Variants in KCTD2 observed in about 807,000 individuals in gnomAD.
KCTD2 encodes potassium channel tetramerization domain containing 2, also known as BTB/POZ domain-containing protein KCTD2.
Under a neutral mutation model 27.9 loss-of-function variants are expected in KCTD2, and 18 were observed. The ratio of observed to expected loss-of-function variants is 0.64; its 90% CI spans 0.45 to 0.96. The LOEUF (loss-of-function observed/expected upper bound fraction) is 0.96. Ranked by LOEUF, KCTD2 falls within the 40% of genes least tolerant of loss-of-function variation. The probability of loss-of-function intolerance (pLI) is 0.00; values close to 1 mark genes in which losing one functional copy is unlikely to be tolerated. For synonymous variants in KCTD2, 175 were observed against 148.4 expected, an observed-to-expected ratio of 1.18 and a Z score of -1.30; for missense variants, 280 against 348.0, an observed-to-expected ratio of 0.80 and a Z score of 1.56.
chr17:75,047,095 G>T (rs906912147), upstream of KCTD2: 1 of 274,392 alleles, frequency 3.6e-6, no homozygotes, highest in Non-Finnish European at 6.8e-6. Flanking sequence ...CGGGCACAGC[G>T]CCTCCCCCGC....
chr17:75,044,759 G>C (rs532945302), upstream of KCTD2, among the ~76,000 whole-genome samples: 1 of 152,252 alleles, frequency 6.6e-6, no homozygotes, highest in African/African-American at 2.4e-5. Context: ...GTAAGATCAG[G>C]GTCAGATATT....
chr17:75,062,037 C>T (rs1034010312), intron 4 of KCTD2, 83 bp from the exon 5 acceptor site: 12 of 1,500,958 alleles, frequency 8.0e-6, no homozygotes, highest in African/African-American at 4.2e-5. Context: ...AAAGTTCAGT[C>T]GGAAGAGGGG....
Position 75,065,484 on chromosome 17 carries a change from CT to C in KCTD2, c.*2442del. 1 of 152,580 alleles carries C rather than the reference CT, an allele frequency of 6.6e-6. No individual in the cohort carries two copies. The highest frequency in any genetic ancestry group is 1.5e-5 in the Non-Finnish European group (1 of 68,266). 9.5% of individuals were successfully genotyped at this position (152,580 alleles called of 1,614,324 possible). A position where few individuals can be genotyped will look rare whatever the true frequency, so the allele number is the denominator to read the frequency against. Reference sequence around the variant, plus strand: ...TACTGCCAAGTGGGGAGGGTCCTGCCTTTTTCTCTGCCCCAGGTCTGGGACG... The same window carrying C: ...TACTGCCAAGTGGGGAGGGTCCTGCCTTTTCTCTGCCCCAGGTCTGGGACG... On this transcript the variant is annotated 3_prime_UTR_variant, in exon 6 of 6. Coordinates refer to ENST00000322444, the MANE Select transcript of KCTD2 (RefSeq NM_015353.3).
At chr17:75,045,506 G>C (rs974465286), upstream of KCTD2, among the ~76,000 whole-genome samples, 1 of 152,162 alleles carries the variant, frequency 6.6e-6, no homozygotes, top group African/African-American at 2.4e-5. Context: ...ACGCCCCAGG[G>C]GGGCCAGTTC....
At chr17:75,059,228 A>T (rs1040020482) in intron 3 of KCTD2, 2 of 232,200 alleles carry the variant, frequency 8.6e-6, no homozygotes, top group Non-Finnish European at 1.6e-5. Flanking sequence ...GAAGTTCAGA[A>T]TTATTTTACC....
At chr17:75,042,093 G>A in intron 3 of KCTD2, 1 of 1,166,124 alleles carries the variant, frequency 8.6e-7, no homozygotes, top group Middle Eastern at 2.8e-4. Flanking sequence ...GGATCTGGCT[G>A]TCATGCTGTG....
At chr17:75,045,097 T>G (rs1407625483), upstream of KCTD2, among the ~76,000 whole-genome samples, 1 of 152,150 alleles carries the variant, frequency 6.6e-6, no homozygotes, top group African/African-American at 2.4e-5. Context: ...ATTTTAAAGC[T>G]GGGCGTCCGG....
intron 1 of KCTD2, among the ~76,000 whole-genome samples, chr17:75,048,069 C>T (rs771300802): frequency 4.6e-5 from 7 of 152,244 alleles, no homozygotes; most frequent in Admixed American, 1.3e-4. Context: ...GCAGGAAGCG[C>T]TCCTTGTGAT....
At chr17:75,053,782 G>A (rs573171699) in intron 3 of KCTD2, among the ~76,000 whole-genome samples, 132 of 150,046 alleles carry the variant, frequency 8.8e-4, no homozygotes, top group Non-Finnish European at 1.7e-3. Context: ...GCATGTGATC[G>A]AGTCACATGC....
upstream of KCTD2, among the ~76,000 whole-genome samples, chr17:75,043,577 C>CA (rs1346776482): frequency 6.8e-6 from 1 of 147,034 alleles, no homozygotes; most frequent in Non-Finnish European, 1.5e-5. Context: ...AGCGCCATTG[C>CA]ACTCCAGCCT....
At chr17:75,037,782 G>A (rs1351044211) in intron 3 of KCTD2, among the ~76,000 whole-genome samples, 5 of 152,152 alleles carry the variant, frequency 3.3e-5, no homozygotes, top group Non-Finnish European at 7.3e-5. Context: ...GGATGCAGTG[G>A]CCCACGCCTG....
At chr17:75,048,957 A>G (rs1567990745) in intron 1 of KCTD2, 1 of 298,632 alleles carries the variant, frequency 3.3e-6, no homozygotes, top group Non-Finnish European at 6.1e-6. Flanking sequence ...AATTCCAGCC[A>G]GTAAGTAAAC....
At chr17:75,053,174 A>G in intron 3 of KCTD2, 69 bp downstream of exon 3, 1 of 1,228,680 alleles carries the variant, frequency 8.1e-7, no homozygotes, top group Non-Finnish European at 1.2e-6. Context: ...TGTGATTTGA[A>G]AAGGATGCCT....
Position 75,065,553 on chromosome 17 carries a change from A to G in KCTD2, c.*2506A>G, listed in dbSNP as rs1024458688. The stretch of plus-strand genomic sequence containing the variant: ...GCCCAGGAGTGCCCAGCATCCCCCA[A>G]CTGATGACACAGTAGCACTGATTCT... On this transcript the variant is annotated 3_prime_UTR_variant, in exon 6 of 6. Coordinates refer to ENST00000322444, the MANE Select transcript of KCTD2 (RefSeq NM_015353.3). The G allele has an allele frequency of 5.3e-5, 8 of 152,198 alleles. No individual in the cohort carries two copies. The highest frequency in any genetic ancestry group is 1.9e-4 in the African/African-American group (8 of 41,406). The allele number at this position is 152,198 out of a possible 1,614,324, so 9.4% of individuals were successfully genotyped here. A position where few individuals can be genotyped will look rare whatever the true frequency, so the allele number is the denominator to read the frequency against.
chr17:75,052,688 A>G (rs559139257), intron 2 of KCTD2, among the ~76,000 whole-genome samples: 7 of 152,258 alleles, frequency 4.6e-5, no homozygotes, highest in Admixed American at 3.3e-4. Context: ...ATGCCATTGC[A>G]CTCCAACCTG....
chr17:75,051,038 A>G (rs552185618), intron 2 of KCTD2, among the ~76,000 whole-genome samples: 2 of 150,182 alleles, frequency 1.3e-5, no homozygotes, highest in African/African-American at 2.5e-5. Flanking sequence ...CAGTGGCGCA[A>G]TCTCGGCTCA....
At chr17:75,045,846 A>G (rs1303150217), upstream of KCTD2, among the ~76,000 whole-genome samples, 1 of 152,256 alleles carries the variant, frequency 6.6e-6, no homozygotes, top group African/African-American at 2.4e-5. Context: ...AGGCATAGGA[A>G]ATCAGAAGAG....
upstream of KCTD2, chr17:75,047,095 G>A (rs906912147): frequency 2.5e-4 from 69 of 274,390 alleles, no homozygotes; most frequent in African/African-American, 5.5e-4. Flanking sequence ...CGGGCACAGC[G>A]CCTCCCCCGC....
rs369140526 is a variant in KCTD2, at chr17:75,063,059, G to A, written c.*12G>A. Reference sequence around the variant, plus strand: ...GATCGCGGATGTAAACTAAGACCCCGAAAACTCCAGACCTTCAGGAGAGCA... The same window carrying A: ...GATCGCGGATGTAAACTAAGACCCCAAAAACTCCAGACCTTCAGGAGAGCA... On this transcript the variant is annotated 3_prime_UTR_variant, in exon 6 of 6. Coordinates refer to ENST00000322444, the MANE Select transcript of KCTD2 (RefSeq NM_015353.3). 5.0e-4 allele frequency: 803 copies of A among 1,613,140 alleles called. 2 individuals carry two copies. The highest frequency in any genetic ancestry group is 6.4e-4 in the Non-Finnish European group (757 of 1,179,500).
Sources: gnomAD v4.1 joint callset for allele counts (sites outside exome capture counted in the v4.1 genomes callset) on GRCh38, gnomAD v4.1.1 for gene constraint, MANE v1.5 for transcripts, NCBI Gene and HGNC (gene_info 2026-07-23, HGNC 2026-07-21) for gene names.